The following ESRRB variants were observed in gnomAD, a reference collection of about 807,000 sequenced individuals.
ESRRB encodes steroid hormone receptor ERR2.
ESRRB carries 16 observed loss-of-function variants against 46.0 expected under a neutral mutation model. The observed-to-expected ratio is 0.35, with a 90% CI of 0.24 to 0.53. The LOEUF is 0.53. ESRRB is among the 20% of genes least tolerant of loss of function. The pLI is 0.93. For missense variants in ESRRB, 488 were observed against 607.4 expected (o/e 0.80, Z 2.07); for synonymous variants, 246 against 259.6 (o/e 0.95, Z 0.50).
At chr14:76,404,313 A>G (rs1038579753) in intron 1 of ESRRB, 5 of 150,908 alleles carry the variant, frequency 3.3e-5, no homozygotes, top group Admixed American at 6.6e-5. Context: ...GTATTCCTGT[A>G]TCACAAAGTA....
chr14:76,436,164 G>A (rs961612184), intron 1 of ESRRB, among the ~76,000 whole-genome samples: 3 of 152,212 alleles, frequency 2.0e-5, no homozygotes, highest in Non-Finnish European at 4.4e-5. Context: ...GGAAACCAAG[G>A]CTTGGGGAGC....
rs1315961450 is a variant in ESRRB, at chr14:76,333,415, T to A, written c.2+22499T>A. 1.1e-4 allele frequency among the ~76,000 whole-genome samples: 10 copies of A among 94,574 alleles called. No individual in the cohort carries two copies. In the South Asian group the frequency reaches 2.5e-3, roughly 24 times the overall value. 62.0% of individuals were successfully genotyped at this position (94,574 alleles called of 152,430 possible). A position where few individuals can be genotyped will look rare whatever the true frequency, so the allele number is the denominator to read the frequency against. On this transcript the variant is annotated intron_variant, in intron 1 of 6. Coordinates refer to the ESRRB transcript ENST00000512784. ...ATATATATATTTATATATGATATAT[T>A]TATATCATATATATATTTATATATG...
intron 5 of ESRRB, among the ~76,000 whole-genome samples, chr14:76,488,029 G>C (rs1890084893): frequency 6.6e-6 from 1 of 152,108 alleles, no homozygotes; most frequent in South Asian, 2.1e-4. Context: ...ACTGGGTTCA[G>C]AAGCCAAATG....
chr14:76,469,812 C>T (rs1889282229), intron 3 of ESRRB, among the ~76,000 whole-genome samples: 1 of 151,984 alleles, frequency 6.6e-6, no homozygotes, highest in Non-Finnish European at 1.5e-5. Flanking sequence ...TGTTCATTTT[C>T]TTGTCCCATT....
At chr14:76,432,698 C>T (rs547789074) in intron 1 of ESRRB, among the ~76,000 whole-genome samples, 4 of 104,170 alleles carry the variant, frequency 3.8e-5, no homozygotes, top group Non-Finnish European at 6.9e-5. Context: ...TTTTCTGAGA[C>T]GGTGTCTCGC....
In ESRRB at chr14:76,498,558, T is replaced by C. The variant is rs952868957; in HGVS notation, c.*100T>C. ...CCAGCCTCCACCTTCAACCCCTGTA[T>C]CATGGCTCTGAGCTGTCCCAGAGGC... is the stretch of plus-strand genomic sequence containing the variant. On this transcript the variant is annotated 3_prime_UTR_variant, in exon 7 of 7. Transcript: ENST00000644823. 2.7e-5 allele frequency: 40 copies of C among 1,492,708 alleles called. No homozygotes were observed. In the East Asian group the frequency reaches 1.1e-3, roughly 43 times the overall value. 92.5% of individuals were successfully genotyped at this position (1,492,708 alleles called of 1,614,324 possible).
At chr14:76,336,923 C>T (rs72731605) in intron 1 of ESRRB, among the ~76,000 whole-genome samples, 9,934 of 152,098 alleles carry the variant, frequency 0.065, 460 homozygotes, top group Admixed American at 0.091. Flanking sequence ...AGGCAAGTGC[C>T]GTAGAGAACT....
intron 1 of ESRRB, among the ~76,000 whole-genome samples, chr14:76,322,739 G>A (rs531346369): frequency 2.0e-5 from 3 of 152,276 alleles, no homozygotes; most frequent in East Asian, 3.9e-4. Context: ...GGAGTGAGAC[G>A]TGGGCAGTGG....
chr14:76,490,220 A>G (rs1315881274), intron 5 of ESRRB, among the ~76,000 whole-genome samples: 1 of 152,180 alleles, frequency 6.6e-6, no homozygotes, highest in Non-Finnish European at 1.5e-5. Context: ...AGAACCAATC[A>G]CTGAGTTTCT....
chr14:76,465,744 T>C (rs1889079966), intron 3 of ESRRB, among the ~76,000 whole-genome samples: 1 of 152,196 alleles, frequency 6.6e-6, no homozygotes, highest in Non-Finnish European at 1.5e-5. Context: ...GAGTTCTGCC[T>C]GAAGGAGGAA....
chr14:76,404,360 T>TATA (rs1566879031), intron 1 of ESRRB: 8 of 149,076 alleles, frequency 5.4e-5, no homozygotes, highest in Admixed American at 2.0e-4. Flanking sequence ...TATATAATAT[T>TATA]ATATAATATA....
chr14:76,416,996 G>C (rs958321919), intron 1 of ESRRB, among the ~76,000 whole-genome samples: 2 of 152,136 alleles, frequency 1.3e-5, no homozygotes, highest in Admixed American at 6.6e-5. Context: ...AATTAGCCGG[G>C]CATGGTGGCG....
At chr14:76,409,688 G>A (rs1268263851) in intron 1 of ESRRB, among the ~76,000 whole-genome samples, 5 of 152,044 alleles carry the variant, frequency 3.3e-5, no homozygotes, top group Non-Finnish European at 4.4e-5. Flanking sequence ...ACTGGCTTGG[G>A]GACCTCCCTG....
intron 1 of ESRRB, among the ~76,000 whole-genome samples, chr14:76,358,335 G>T (rs866270058): frequency 2.4e-4 from 3 of 12,608 alleles, no homozygotes; most frequent in Admixed American, 2.1e-3. Context: ...AAGAAAGAAA[G>T]AAAGAAAGAA....
intron 1 of ESRRB, among the ~76,000 whole-genome samples, chr14:76,401,985 T>C (rs1351563033): frequency 6.6e-6 from 1 of 152,178 alleles, no homozygotes; most frequent in African/African-American, 2.4e-5. Context: ...GCAGGCAGAC[T>C]TGGGACCCAG....
intron 1 of ESRRB, among the ~76,000 whole-genome samples, chr14:76,326,696 G>T (rs1349441608): frequency 6.6e-6 from 1 of 152,184 alleles, no homozygotes; most frequent in African/African-American, 2.4e-5. Flanking sequence ...GGTAGGAAAG[G>T]GGTTTGCTTT....
At chr14:76,361,050 C>G (rs1884456557) in intron 1 of ESRRB, among the ~76,000 whole-genome samples, 1 of 152,232 alleles carries the variant, frequency 6.6e-6, no homozygotes, top group Non-Finnish European at 1.5e-5. Flanking sequence ...GGTACTTCTA[C>G]CTGGTGCCTC....
At chr14:76,476,790 C>T (rs949797535) in intron 3 of ESRRB, among the ~76,000 whole-genome samples, 2 of 152,194 alleles carry the variant, frequency 1.3e-5, no homozygotes, top group Middle Eastern at 3.4e-3. Flanking sequence ...CTCAGACAGC[C>T]ATGTCATGGC....
At position 76,500,577 on chromosome 14, in the gene ESRRB, G is replaced by T; in HGVS notation, c.*2119G>T. On this transcript the variant is annotated 3_prime_UTR_variant, in exon 7 of 7. Transcript: ENST00000644823. The stretch of plus-strand genomic sequence containing the variant: ...TGGGACTCCCTCAGTCTCTCACTGT[G>T]CTGTGTCCTTGCAGCGGGGCCGAGG... 1.0e-6 allele frequency: 1 copy of T among 971,030 alleles called. No individual in the cohort carries two copies. The highest frequency in any genetic ancestry group is 1.7e-6 in the Non-Finnish European group (1 of 602,536). The allele number at this position is 971,030 out of a possible 1,614,324, so 60.2% of individuals were successfully genotyped here.
Sources: allele counts gnomAD v4.1 joint callset (sites outside exome capture counted in the v4.1 genomes callset), GRCh38; gene constraint gnomAD v4.1.1; transcripts MANE v1.5; gene names NCBI Gene and HGNC (gene_info 2026-07-23, HGNC 2026-07-21).